The following KIRREL3 variants were observed in gnomAD, a reference collection of about 807,000 sequenced individuals.
The protein encoded by KIRREL3 is kin of IRRE-like protein 3.
A neutral mutation model predicts 89.7 loss-of-function variants in KIRREL3; 36 were observed. The observed-to-expected ratio is 0.40, with a 90% CI of 0.31 to 0.53. The LOEUF is 0.53. Among genes scored for constraint, KIRREL3 ranks in the 20% least tolerant of loss-of-function variants. The pLI, the probability that KIRREL3 is intolerant of heterozygous loss-of-function variation, is 0.49. For synonymous variants in KIRREL3, 445 were observed against 441.4 expected (o/e 1.01, Z -0.10); for missense variants, 864 against 1,056.6 (o/e 0.82, Z 2.53).
chr11:126,532,213 G>T (rs926910394), intron 2 of KIRREL3, among the ~76,000 whole-genome samples: 1 of 152,096 alleles, frequency 6.6e-6, no homozygotes, highest in Non-Finnish European at 1.5e-5. Flanking sequence ...ATTAGCTCAG[G>T]TGTCACTCAA....
At chr11:126,464,089 C>T (rs1213728098) in intron 5 of KIRREL3, among the ~76,000 whole-genome samples, 3 of 152,086 alleles carry the variant, frequency 2.0e-5, no homozygotes, top group African/African-American at 7.2e-5. Context: ...CAGAATATGA[C>T]CTTATTTGGG....
At chr11:126,820,537 T>A (rs1943175636) in intron 1 of KIRREL3, among the ~76,000 whole-genome samples, 1 of 151,930 alleles carries the variant, frequency 6.6e-6, no homozygotes, top group Non-Finnish European at 1.5e-5. Context: ...AAACACACGA[T>A]AAGAGGTAAA....
At chr11:126,547,991 C>G (rs1409104386) in intron 2 of KIRREL3, among the ~76,000 whole-genome samples, 1 of 152,140 alleles carries the variant, frequency 6.6e-6, no homozygotes, top group Admixed American at 6.5e-5. Flanking sequence ...ATAACACTAC[C>G]CACTTTGTGA....
chr11:126,579,638 A>T lies in KIRREL3; in HGVS notation c.56-16726T>A, dbSNP rs1452115543. Among the ~76,000 whole-genome samples the T allele has an allele frequency of 6.6e-6, 1 of 152,042 alleles. No homozygotes were observed. The highest frequency in any genetic ancestry group is 1.5e-5 in the Non-Finnish European group (1 of 68,014). ...AGGCAAATGCACCACCTGTGGCCCT[A>T]GAGTGGGGAGCATTGAGGTTGGATG... On this transcript the variant is annotated intron_variant, in intron 1 of 16. Transcript: ENST00000525144. This position sits in a 1 kb window ranked among gnomAD's most constrained non-coding sequence, Gnocchi z 5.3.
rs1406466738 is a variant in KIRREL3, at chr11:126,870,101, G to T, written c.55+130354C>A. On this transcript the variant is annotated intron_variant, in intron 1 of 16. Coordinates refer to ENST00000525144, the MANE Select transcript of KIRREL3 (RefSeq NM_032531.4). This position sits in a 1 kb window ranked among gnomAD's most constrained non-coding sequence, Gnocchi z 4.4. ...TACAGCTGGCACTTCCTTTGAATCA[G>T]GGGCCCATGAGCACTGTGATTAATG... Among the ~76,000 whole-genome samples the T allele has an allele frequency of 6.6e-6, 1 of 152,190 alleles. No individual in the cohort carries two copies. The highest frequency in any genetic ancestry group is 1.5e-5 in the Non-Finnish European group (1 of 68,036).
Position 126,694,004 on chromosome 11 carries a change from G to A in KIRREL3, c.56-131092C>T, listed in dbSNP as rs1297534985. ...GGGCAGGCCAGTAGAGGAAGGAGCT[G>A]GGGCCCAGGCAGCCACAGGTTGAAG... On this transcript the variant is annotated intron_variant, in intron 1 of 16. Coordinates refer to ENST00000525144, the MANE Select transcript of KIRREL3 (RefSeq NM_032531.4). This position sits in a 1 kb window ranked among gnomAD's most constrained non-coding sequence, Gnocchi z 4.4. Among the ~76,000 whole-genome samples, 1 of 152,214 alleles carries A rather than the reference G, an allele frequency of 6.6e-6. No individual in the cohort carries two copies. Among genetic ancestry groups the A allele is most frequent in the Admixed American group, 6.5e-5 (1 of 15,288 alleles).
At position 126,912,158 on chromosome 11, in the gene KIRREL3, G is replaced by A. The variant is rs148350358; in HGVS notation, c.55+88297C>T. 3.6e-3 allele frequency among the ~76,000 whole-genome samples: 543 copies of A among 152,120 alleles called. 4 individuals carry two copies. The highest frequency in any genetic ancestry group is 0.013 in the African/African-American group (523 of 41,516). ...GAATCAAGCCTCTGGCAAGGACAGCGCAGTGACCAACCCTCTTTTCAGAAG... is the reference window on the plus strand; with the variant it reads ...GAATCAAGCCTCTGGCAAGGACAGCACAGTGACCAACCCTCTTTTCAGAAG... On this transcript the variant is annotated intron_variant, in intron 1 of 16. Coordinates refer to ENST00000525144, the MANE Select transcript of KIRREL3 (RefSeq NM_032531.4). The surrounding 1 kb of genome is among the most constrained non-coding windows in gnomAD (Gnocchi z 4.7).
At position 126,490,014 on chromosome 11, in the gene KIRREL3, C is replaced by T. The variant is rs1185949028; in HGVS notation, c.434-16548G>A. 1.3e-5 allele frequency among the ~76,000 whole-genome samples: 2 copies of T among 152,094 alleles called. No individual in the cohort carries two copies. Among genetic ancestry groups the T allele is most frequent in the Non-Finnish European group, 2.9e-5 (2 of 68,020 alleles). ...TGAGACGTGTTGCTTGGAAGCAGCC[C>T]ATGAGCTGCTTCGAGGAGTGAACGG... On this transcript the variant is annotated intron_variant, in intron 4 of 16. Coordinates refer to ENST00000525144, the MANE Select transcript of KIRREL3 (RefSeq NM_032531.4). The surrounding 1 kb of genome is among the most constrained non-coding windows in gnomAD (Gnocchi z 4.2).
At position 126,514,874 on chromosome 11, in the gene KIRREL3, C is replaced by A. The variant is rs543185702; in HGVS notation, c.433+6441G>T. On this transcript the variant is annotated intron_variant, in intron 4 of 16. Transcript: ENST00000525144. ...CAACACAACACAACACAACAAAACACAATTGTCATCCGTGTTTGGGGCTTA... is the reference window on the plus strand; with the variant it reads ...CAACACAACACAACACAACAAAACAAAATTGTCATCCGTGTTTGGGGCTTA... Among the ~76,000 whole-genome samples, 632 of 139,270 alleles carry A rather than the reference C, an allele frequency of 4.5e-3. 10 individuals carry two copies. Among genetic ancestry groups the A allele is most frequent in the African/African-American group, 0.018 (585 of 31,776 alleles). 91.4% of individuals were successfully genotyped at this position (139,270 alleles called of 152,430 possible).
At chr11:126,880,359 CA>C (rs1945451836) in intron 1 of KIRREL3, among the ~76,000 whole-genome samples, 1 of 152,202 alleles carries the variant, frequency 6.6e-6, no homozygotes, top group African/African-American at 2.4e-5. Context: ...GAACATCAGT[CA>C]AATCGTCCCT....
chr11:126,671,352 G>A (rs1945939417), intron 1 of KIRREL3, among the ~76,000 whole-genome samples: 1 of 151,586 alleles, frequency 6.6e-6, no homozygotes, highest in Admixed American at 6.6e-5. Context: ...ACGGGCATGA[G>A]CCACCATGCC....
chr11:126,458,619 C>T (rs1293716863), intron 6 of KIRREL3, among the ~76,000 whole-genome samples: 2 of 152,168 alleles, frequency 1.3e-5, no homozygotes, highest in Non-Finnish European at 2.9e-5. Context: ...ACTCTGTTTT[C>T]TGAGTAGCAG....
In KIRREL3 at chr11:126,778,311, A is replaced by T. The variant is rs1047388354; in HGVS notation, c.56-215399T>A. Among the ~76,000 whole-genome samples the T allele has an allele frequency of 1.3e-5, 2 of 152,040 alleles. No individual in the cohort carries two copies. The highest frequency in any genetic ancestry group is 4.8e-5 in the African/African-American group (2 of 41,408). ...AACTAGTGCAAGAGGAGGCCAGGGG[A>T]TTTGTCTTGAAGTTGTGTTTGCGTA... On this transcript the variant is annotated intron_variant, in intron 1 of 16. Coordinates refer to ENST00000525144, the MANE Select transcript of KIRREL3 (RefSeq NM_032531.4). This position sits in a 1 kb window ranked among gnomAD's most constrained non-coding sequence, Gnocchi z 4.5.
In KIRREL3 at chr11:126,990,198, G is replaced by A. The variant is rs1949988566; in HGVS notation, c.55+10257C>T. Among the ~76,000 whole-genome samples, 1 of 152,218 alleles carries A rather than the reference G, an allele frequency of 6.6e-6. No individual in the cohort carries two copies. The highest frequency in any genetic ancestry group is 6.5e-5 in the Admixed American group (1 of 15,300). ...GAGAGAAACATCATCCCTGTGGCAGGGAAACCCGTGTGGTGGGCTGAGCTT... is the reference window on the plus strand; with the variant it reads ...GAGAGAAACATCATCCCTGTGGCAGAGAAACCCGTGTGGTGGGCTGAGCTT... On this transcript the variant is annotated intron_variant, in intron 1 of 16. Transcript: ENST00000525144. This position sits in a 1 kb window ranked among gnomAD's most constrained non-coding sequence, Gnocchi z 6.3.
intron 1 of KIRREL3, among the ~76,000 whole-genome samples, chr11:126,820,070 A>C (rs939525): frequency 0.86 from 131,259 of 152,026 alleles, 57,015 homozygotes; most frequent in East Asian, 1. Flanking sequence ...AGAGCACCTA[A>C]CAGATGCTAG....
chr11:126,732,808 T>C (rs1329748246), intron 1 of KIRREL3, among the ~76,000 whole-genome samples: 3 of 152,082 alleles, frequency 2.0e-5, no homozygotes, highest in African/African-American at 4.8e-5. Context: ...CACTGCAGAG[T>C]GGAAAAGGCC....
Position 126,669,408 on chromosome 11 carries a change from C to T in KIRREL3, c.56-106496G>A, listed in dbSNP as rs1361423316. Among the ~76,000 whole-genome samples, 1 of 152,134 alleles carries T rather than the reference C, an allele frequency of 6.6e-6. No homozygotes were observed. Among genetic ancestry groups the T allele is most frequent in the Non-Finnish European group, 1.5e-5 (1 of 68,020 alleles). ...CTAGAAAACTTTTCCCTATTTAATC[C>T]CATGTATTTTTAACCCACTAACATA... On this transcript the variant is annotated intron_variant, in intron 1 of 16. Transcript: ENST00000525144. This position sits in a 1 kb window ranked among gnomAD's most constrained non-coding sequence, Gnocchi z 5.0.
At chr11:126,728,469 G>A (rs7949667) in intron 1 of KIRREL3, among the ~76,000 whole-genome samples, 51,753 of 151,954 alleles carry the variant, frequency 0.34, 9,179 homozygotes, top group Non-Finnish European at 0.39. Context: ...GAAGGGGTGC[G>A]TCTTACTCAC....
intron 4 of KIRREL3, among the ~76,000 whole-genome samples, chr11:126,493,587 G>A (rs1195681391): frequency 6.8e-6 from 1 of 146,572 alleles, no homozygotes; most frequent in Non-Finnish European, 1.5e-5. Flanking sequence ...CCCAGGAGGC[G>A]GAGCTTGCAG....
Sources: gnomAD v4.1 joint callset for allele counts (sites outside exome capture counted in the v4.1 genomes callset) on GRCh38, gnomAD v4.1.1 for gene constraint, Gnocchi (gnomAD v3.1) non-coding constraint, MANE v1.5 for transcripts, NCBI Gene and HGNC (gene_info 2026-07-23, HGNC 2026-07-21) for gene names.